MAPKAP1: variants seen among roughly 807,000 people sequenced by gnomAD.
The protein encoded by MAPKAP1 is MAPK associated protein 1.
Under a neutral mutation model 65.7 loss-of-function variants are expected in MAPKAP1, and 20 were observed. That is an observed-to-expected ratio of 0.30 (90% CI 0.21 to 0.44). The LOEUF is 0.44. Among genes scored for constraint, MAPKAP1 ranks in the 20% least tolerant of loss-of-function variants. MAPKAP1 has a pLI of 1.00. For synonymous variants in MAPKAP1, 222 were observed against 244.3 expected, an observed-to-expected ratio of 0.91 and a Z score of 0.85; for missense variants, 423 against 648.0, an observed-to-expected ratio of 0.65 and a Z score of 3.77.
At chr9:125,654,833 C>T (rs2131745613) in intron 4 of MAPKAP1, among the ~76,000 whole-genome samples, 1 of 152,316 alleles carries the variant, frequency 6.6e-6, no homozygotes, top group East Asian at 1.9e-4. Flanking sequence ...AAAATCCTTT[C>T]TTCAGATCTA....
At chr9:125,576,936 G>A (rs1210022742) in intron 5 of MAPKAP1, among the ~76,000 whole-genome samples, 4 of 152,218 alleles carry the variant, frequency 2.6e-5, no homozygotes, top group South Asian at 2.1e-4. Flanking sequence ...CTGCCGGGCC[G>A]CCACCCCGTC....
At chr9:125,458,528 T>TG (rs1853291682) in intron 10 of MAPKAP1, among the ~76,000 whole-genome samples, 1 of 151,976 alleles carries the variant, frequency 6.6e-6, no homozygotes, top group Non-Finnish European at 1.5e-5. Flanking sequence ...AGCACAGGGT[T>TG]GGGGGCAAGG....
chr9:125,640,193 T>A (rs1223260057), intron 4 of MAPKAP1, among the ~76,000 whole-genome samples: 1 of 152,140 alleles, frequency 6.6e-6, no homozygotes, highest in African/African-American at 2.4e-5. Flanking sequence ...AAGCTCTGCC[T>A]CCTGAGTTCA....
chr9:125,528,523 C>A (rs1351586970), intron 7 of MAPKAP1, among the ~76,000 whole-genome samples: 1 of 152,174 alleles, frequency 6.6e-6, no homozygotes, highest in Admixed American at 6.5e-5. Flanking sequence ...AACTCCCAAA[C>A]CTGAGGACTC....
chr9:125,495,260 C>A (rs1376288037), intron 8 of MAPKAP1, among the ~76,000 whole-genome samples: 1 of 152,176 alleles, frequency 6.6e-6, no homozygotes, highest in Non-Finnish European at 1.5e-5. Context: ...GGCATATCCG[C>A]TGGAAGAATC....
chr9:125,438,942 A>G lies in MAPKAP1; in HGVS notation c.1514T>C (p.Leu505Pro), dbSNP rs1312702442. The change falls in exon 12 of 12, where the codon CTG becomes CCG. Residue 505 changes from leucine to proline, a missense_variant. By Grantham distance (98) the Leu-to-Pro change is moderately conservative (BLOSUM62 -3). Coordinates refer to ENST00000265960, the MANE Select transcript of MAPKAP1 (RefSeq NM_001006617.3). ...GAAGCTGAAGCTCGTACGTCTGTTC[A>G]GTTTTCTTTGTTTTTGAGCAAAGTA... is the stretch of plus-strand genomic sequence containing the variant. ...ADYFAQKQRK[L>P]NRRTSFSFQK... 1.9e-6 allele frequency: 3 copies of G among 1,614,198 alleles called. No individual in the cohort carries two copies. The highest frequency in any genetic ancestry group is 2.2e-5 in the South Asian group (2 of 91,072).
At chr9:125,593,803 A>G (rs1287642433) in intron 4 of MAPKAP1, among the ~76,000 whole-genome samples, 2 of 152,238 alleles carry the variant, frequency 1.3e-5, no homozygotes, top group African/African-American at 4.8e-5. Context: ...TCCTATAGCA[A>G]AACTTTCTTG....
chr9:125,656,654 A>C (rs1765516631), intron 4 of MAPKAP1, among the ~76,000 whole-genome samples: 1 of 152,184 alleles, frequency 6.6e-6, no homozygotes, highest in African/African-American at 2.4e-5. Context: ...AAGCATAAGC[A>C]AAAAGCTGTA....
intron 9 of MAPKAP1, among the ~76,000 whole-genome samples, chr9:125,480,651 T>C (rs1484369515): frequency 1.3e-5 from 2 of 152,138 alleles, no homozygotes; most frequent in African/African-American, 4.8e-5. Context: ...ACAATGATAA[T>C]AACACTACGA....
chr9:125,565,038 A>G (rs1467441311), intron 5 of MAPKAP1, among the ~76,000 whole-genome samples: 1 of 152,182 alleles, frequency 6.6e-6, no homozygotes, highest in Admixed American at 6.5e-5. Context: ...TGGATGCAAA[A>G]TAGAGCCTGC....
At chr9:125,704,666 G>A (rs541728631) in intron 1 of MAPKAP1, among the ~76,000 whole-genome samples, 2 of 152,198 alleles carry the variant, frequency 1.3e-5, no homozygotes, top group Admixed American at 6.5e-5. Context: ...TGGTACTCAA[G>A]CCCTCACTGA....
rs558315203 is a variant in MAPKAP1, at chr9:125,546,754, C to T, written c.849-3586G>A. Among the ~76,000 whole-genome samples the T allele has an allele frequency of 1.5e-3, 231 of 152,230 alleles. 1 individual carries two copies. Among genetic ancestry groups the T allele is most frequent in the African/African-American group, 5.4e-3 (224 of 41,536 alleles). On this transcript the variant is annotated intron_variant, in intron 6 of 11. Coordinates refer to ENST00000265960, the MANE Select transcript of MAPKAP1 (RefSeq NM_001006617.3). ...AAGGAAGGGTGCTCCTGGTCCTGGCCTGCCTTCCCTGTGGCACACGCTCCA... is the reference window on the plus strand; with the variant it reads ...AAGGAAGGGTGCTCCTGGTCCTGGCTTGCCTTCCCTGTGGCACACGCTCCA...
At chr9:125,613,615 T>A (rs1216305031) in intron 4 of MAPKAP1, among the ~76,000 whole-genome samples, 1 of 152,126 alleles carries the variant, frequency 6.6e-6, no homozygotes, top group Non-Finnish European at 1.5e-5. Flanking sequence ...ACACAGATGC[T>A]AATCCAGAAA....
chr9:125,656,465 T>A (rs1057272443), intron 4 of MAPKAP1, among the ~76,000 whole-genome samples: 1 of 152,166 alleles, frequency 6.6e-6, no homozygotes, highest in Non-Finnish European at 1.5e-5. Flanking sequence ...ATGCATTTTG[T>A]TTCTAGTTTT....
chr9:125,474,848 C>A (rs1271266877), intron 9 of MAPKAP1, among the ~76,000 whole-genome samples: 1 of 152,146 alleles, frequency 6.6e-6, no homozygotes. Flanking sequence ...GCTGTTAAAT[C>A]CTGGAGCAGC....
chr9:125,596,586 T>C (rs1411511291), intron 4 of MAPKAP1: 4 of 680,218 alleles, frequency 5.9e-6, no homozygotes, highest in South Asian at 1.4e-5. Flanking sequence ...GCTATGGCAG[T>C]TCCAGTAGCA....
chr9:125,643,166 C>G (rs1485700522), intron 4 of MAPKAP1, among the ~76,000 whole-genome samples: 1 of 149,926 alleles, frequency 6.7e-6, no homozygotes, highest in African/African-American at 2.5e-5. Flanking sequence ...TCCCAAAGTG[C>G]TGGGATTACT....
At chr9:125,499,543 C>A (rs1289108699) in intron 8 of MAPKAP1, among the ~76,000 whole-genome samples, 2 of 152,118 alleles carry the variant, frequency 1.3e-5, no homozygotes, top group African/African-American at 2.4e-5. Context: ...AAGTATCTTG[C>A]AAATCCTTTA....
intron 3 of MAPKAP1, among the ~76,000 whole-genome samples, chr9:125,658,090 C>T (rs1002105187): frequency 1.4e-4 from 22 of 152,172 alleles, no homozygotes; most frequent in African/African-American, 4.6e-4. Flanking sequence ...CCAGGAGACC[C>T]GAGCTTTGGC....
Sources: gnomAD v4.1 joint callset for allele counts (sites outside exome capture counted in the v4.1 genomes callset) on GRCh38, gnomAD v4.1.1 for gene constraint, MANE v1.5 for transcripts, NCBI Gene and HGNC (gene_info 2026-07-23, HGNC 2026-07-21) for gene names.